The following GLIS3 variants were observed in gnomAD, a reference collection of about 807,000 sequenced individuals.
GLIS3 encodes the protein GLIS family zinc finger 3.
A neutral mutation model predicts 78.6 loss-of-function variants in GLIS3; 53 were observed. The observed-to-expected ratio is 0.67, with a 90% CI of 0.54 to 0.85. The LOEUF is 0.85. GLIS3 is among the 40% of genes least tolerant of loss of function. The pLI, the probability that GLIS3 is intolerant of heterozygous loss-of-function variation, is 0.00. For synonymous variants in GLIS3, 684 were observed against 509.9 expected (o/e 1.34, Z -4.60); for missense variants, 1,703 against 1,231.1 (o/e 1.38, Z -5.74).
rs531565576 is a variant in GLIS3 at position 4,137,799 on chromosome 9, G to C, written c.389-11858C>G. Among the ~76,000 whole-genome samples the C allele has an allele frequency of 5.9e-5, 9 of 152,304 alleles. No individual in the cohort carries two copies. In the South Asian group the frequency reaches 1.9e-3, roughly 32 times the overall value. ...ACTGAAAGCTGCTCTGCTCCATAGA[G>C]ACTCTTAGTATAGCAAGAGTGTTAA... is the stretch of plus-strand genomic sequence containing the variant. On this transcript the variant is annotated intron_variant, in intron 2 of 10. Transcript: ENST00000381971.
chr9:4,467,137 C>T, the GLIS3 span, among the ~76,000 whole-genome samples: 1 of 152,228 alleles, frequency 6.6e-6, no homozygotes, highest in Non-Finnish European at 1.5e-5. Context: ...GGACAGGAAG[C>T]TCAAAATGGG....
intron 2 of GLIS3, among the ~76,000 whole-genome samples, chr9:4,322,117 G>C (rs533123740): frequency 1.4e-4 from 22 of 152,288 alleles, no homozygotes; most frequent in Admixed American, 1.3e-3. Flanking sequence ...CTATGAGTGA[G>C]AACATGCGGT....
At position 3,829,928 on chromosome 9, in the gene GLIS3, C is replaced by T. The variant is rs571036343; in HGVS notation, c.2474-436G>A. Among the ~76,000 whole-genome samples, 16 of 152,212 alleles carry T rather than the reference C, an allele frequency of 1.1e-4. 1 individual carries two copies. The highest frequency in any genetic ancestry group is 3.9e-4 in the East Asian group (2 of 5,174). ...CTTGCAGAATGCTCTTAAAAAGGCC[C>T]GCTTAAAAATGCATCCATCTATCTG... is the stretch of plus-strand genomic sequence containing the variant. On this transcript the variant is annotated intron_variant, in intron 9 of 10. Coordinates refer to ENST00000381971, the MANE Select transcript of GLIS3 (RefSeq NM_001042413.2).
chr9:4,268,359 A>G (rs1826204876), intron 2 of GLIS3, among the ~76,000 whole-genome samples: 1 of 152,224 alleles, frequency 6.6e-6, no homozygotes, highest in African/African-American at 2.4e-5. Context: ...CATAAGTGTT[A>G]TCTATGTATT....
At chr9:4,438,794 G>C in the GLIS3 span, among the ~76,000 whole-genome samples, 6 of 152,144 alleles carry the variant, frequency 3.9e-5, no homozygotes, top group Non-Finnish European at 8.8e-5. Flanking sequence ...GACGTGTCTT[G>C]CTTCCCCTTC....
chr9:4,210,155 G>C (rs143980343), intron 2 of GLIS3, among the ~76,000 whole-genome samples: 61 of 152,300 alleles, frequency 4.0e-4, no homozygotes, highest in African/African-American at 1.5e-3. Flanking sequence ...GTTAATTCAA[G>C]CCTTAATAAA....
chr9:3,967,032 AAC>A (rs1159507325), intron 4 of GLIS3, among the ~76,000 whole-genome samples: 1,691 of 136,624 alleles, frequency 0.012, 259 homozygotes, highest in African/African-American at 0.022. Flanking sequence ...AAAAAAAAAA[AAC>A]AAAAAAACAT....
intron 2 of GLIS3, among the ~76,000 whole-genome samples, chr9:4,207,322 C>A (rs574441855): frequency 6.6e-6 from 1 of 152,316 alleles, no homozygotes; most frequent in East Asian, 1.9e-4. Flanking sequence ...GCCAGCATGA[C>A]AAGAGGAGCA....
chr9:3,987,784 A>AAAAAAAAAAAAAAAAAAAAAAC (rs1554665966), intron 4 of GLIS3, among the ~76,000 whole-genome samples: 1 of 69,546 alleles, frequency 1.4e-5, no homozygotes, highest in Non-Finnish European at 2.9e-5. Context: ...AAAAAAAAAA[A>AAAAAAAAAAAAAAAAAAAAAAC]AAAACAAAAC....
At position 4,084,256 on chromosome 9, in the gene GLIS3, AACAC is replaced by A. The variant is rs370384726; in HGVS notation, c.1710+33508_1710+33511del. 4.5e-3 allele frequency among the ~76,000 whole-genome samples: 599 copies of A among 132,190 alleles called. 1 individual carries two copies. Among genetic ancestry groups the A allele is most frequent in the Middle Eastern group, 0.012 (3 of 258 alleles). 86.7% of individuals were successfully genotyped at this position (132,190 alleles called of 152,430 possible). ...CTCTCTCTCCTTCCTTCCTCTCTCT[AACAC>A]ACACACACACACACACACACACACA... On this transcript the variant is annotated intron_variant, in intron 4 of 10. Transcript: ENST00000381971.
At chr9:3,912,402 A>C (rs1824214652) in intron 6 of GLIS3, among the ~76,000 whole-genome samples, 1 of 152,124 alleles carries the variant, frequency 6.6e-6, no homozygotes, top group Non-Finnish European at 1.5e-5. Context: ...CTTGGAAGAG[A>C]CTAAAACATA....
intron 2 of GLIS3, among the ~76,000 whole-genome samples, chr9:4,314,542 G>T (rs532902196): frequency 1.3e-5 from 2 of 152,350 alleles, no homozygotes; most frequent in Admixed American, 1.3e-4. Flanking sequence ...AAAAAAGAAA[G>T]AAAGTAAGGG....
intron 9 of GLIS3, among the ~76,000 whole-genome samples, chr9:3,852,824 C>G (rs1405243951): frequency 6.6e-6 from 1 of 152,170 alleles, no homozygotes; most frequent in Non-Finnish European, 1.5e-5. Context: ...GTCATAATTT[C>G]TCAATTTGCC....
At chr9:4,120,368 T>G (rs1246118792) in intron 3 of GLIS3, among the ~76,000 whole-genome samples, 1 of 152,234 alleles carries the variant, frequency 6.6e-6, no homozygotes, top group East Asian at 1.9e-4. Flanking sequence ...CAGCAGGAAT[T>G]TACATCCAGT....
intron 4 of GLIS3, among the ~76,000 whole-genome samples, chr9:4,027,120 C>T (rs1015182881): frequency 3.3e-5 from 5 of 152,140 alleles, no homozygotes; most frequent in South Asian, 2.1e-4. Context: ...ACAACCTGAC[C>T]GACTGCAGTG....
At chr9:4,083,289 C>A (rs1828714034) in intron 4 of GLIS3, among the ~76,000 whole-genome samples, 1 of 152,016 alleles carries the variant, frequency 6.6e-6, no homozygotes, top group African/African-American at 2.4e-5. Context: ...TGCCACTACT[C>A]CTCATCATTG....
At chr9:4,336,331 C>G (rs1817756873) in intron 2 of GLIS3, among the ~76,000 whole-genome samples, 1 of 152,194 alleles carries the variant, frequency 6.6e-6, no homozygotes, top group African/African-American at 2.4e-5. Context: ...CACTAAGCCC[C>G]TGGTGCTGCT....
At chr9:4,147,564 A>G (rs1307440205) in intron 2 of GLIS3, 1 of 152,266 alleles carries the variant, frequency 6.6e-6, no homozygotes, top group Non-Finnish European at 1.5e-5. Flanking sequence ...GTTTTATAAA[A>G]TGCAGGCAGC....
chr9:4,416,765 T>A, the GLIS3 span, among the ~76,000 whole-genome samples: 15 of 151,580 alleles, frequency 9.9e-5, no homozygotes, highest in African/African-American at 3.4e-4. Context: ...TCTGATTGCA[T>A]ATCTAGAGTC....
Sources: allele counts gnomAD v4.1 joint callset (sites outside exome capture counted in the v4.1 genomes callset), GRCh38; gene constraint gnomAD v4.1.1; transcripts MANE v1.5; gene names NCBI Gene and HGNC (gene_info 2026-07-23, HGNC 2026-07-21).